Variants in BTBD2 observed in about 807,000 individuals in gnomAD.
BTBD2 encodes BTB/POZ domain-containing protein 2.
A neutral mutation model predicts 44.0 loss-of-function variants in BTBD2; 15 were observed. The observed-to-expected ratio is 0.34, with a 90% CI of 0.23 to 0.53. The LOEUF (loss-of-function observed/expected upper bound fraction) is 0.53, where lower values mean the gene tolerates loss of function less well. Among genes scored for constraint, BTBD2 ranks in the 20% least tolerant of loss-of-function variants. The pLI, the probability that BTBD2 is intolerant of heterozygous loss-of-function variation, is 0.95. For missense variants in BTBD2, 657 were observed against 746.4 expected (o/e 0.88, Z 1.39); for synonymous variants, 443 against 335.9 (o/e 1.32, Z -3.49).
chr19:2,001,824 G>A (rs376008263), intron 1 of BTBD2, among the ~76,000 whole-genome samples: 6 of 151,970 alleles, frequency 3.9e-5, no homozygotes, highest in Admixed American at 1.3e-4. Context: ...TGCAACCTCC[G>A]CCTCCCGAGT....
chr19:2,015,187 T>C lies in BTBD2; in HGVS notation c.407+110A>G, dbSNP rs185214801. 4.7e-4 allele frequency: 535 copies of C among 1,138,906 alleles called. 2 individuals carry two copies. The African/African-American group carries it at 0.014, about 31-fold the overall frequency. 70.6% of individuals were successfully genotyped at this position (1,138,906 alleles called of 1,614,324 possible). ...GACAGAGGGGTGCAGGGCTCGGGGA[T>C]GGAGGGGTGCGGGGGTCTCGGGGAC... On this transcript the variant is annotated intron_variant, in intron 1 of 8. Transcript: ENST00000255608.
Position 1,990,033 on chromosome 19 carries a change from G to T in BTBD2, c.959C>A (p.Pro320Gln). 6.2e-7 allele frequency: 1 copy of T among 1,613,388 alleles called. No homozygotes were observed. Among genetic ancestry groups the T allele is most frequent in the Non-Finnish European group, 8.5e-7 (1 of 1,180,018 alleles). ...AGCGAACTCCTCGATGGTCATGAGC[G>T]GGAAGCGAATGAGGCCCAGGGCCTT... The part of the protein sequence containing the change: ...LGKALGLIRF[P>Q]LMTIEEFAAG... Residue 320 changes from proline to glutamine, a missense_variant, in exon 5 of 9, where the codon CCG becomes CAG. Coordinates refer to ENST00000255608, the MANE Select transcript of BTBD2 (RefSeq NM_017797.4).
At chr19:1,992,975 CAG>C in intron 3 of BTBD2, 43 bp downstream of exon 3, 258 of 1,377,980 alleles carry the variant, frequency 1.9e-4, no homozygotes, top group Non-Finnish European at 2.3e-4. Flanking sequence ...GCCCCGCCTC[CAG>C]CCAGGCCTGG....
intron 1 of BTBD2, among the ~76,000 whole-genome samples, chr19:2,010,619 C>T (rs561577903): frequency 6.6e-6 from 1 of 152,116 alleles, no homozygotes; most frequent in East Asian, 1.9e-4. Flanking sequence ...CCAGCACCCC[C>T]AGTTCGTCCC....
intron 1 of BTBD2, among the ~76,000 whole-genome samples, chr19:2,005,080 A>G (rs973570785): frequency 1.3e-5 from 2 of 151,310 alleles, no homozygotes; most frequent in Non-Finnish European, 3.0e-5. Context: ...TCGGCCTCCC[A>G]AAGTGCTGGG....
chr19:2,003,133 G>A (rs779150748), intron 1 of BTBD2: 3 of 152,018 alleles, frequency 2.0e-5, no homozygotes, highest in Non-Finnish European at 4.4e-5. Context: ...CCTGAGCAAT[G>A]TAGCAAGACT....
At chr19:1,987,744 G>A (rs780990460) in intron 5 of BTBD2, 52 bp from the exon 6 acceptor site, 11 of 1,494,198 alleles carry the variant, frequency 7.4e-6, no homozygotes, top group African/African-American at 2.8e-5. Flanking sequence ...CCAGGATCCC[G>A]AGTGCCTGGG....
In BTBD2 at chr19:2,004,423, G is replaced by C. The variant is rs554023598; in HGVS notation, c.408-6960C>G. ...AGCAATTCTCCTGCTTCAGCCTCCCGAGTAGCTGGGATTACAGGCATGCAT... is the reference window on the plus strand; with the variant it reads ...AGCAATTCTCCTGCTTCAGCCTCCCCAGTAGCTGGGATTACAGGCATGCAT... On this transcript the variant is annotated intron_variant, in intron 1 of 8. Transcript: ENST00000255608. Among the ~76,000 whole-genome samples the C allele has an allele frequency of 3.2e-4, 48 of 151,322 alleles. 1 individual carries two copies. In the East Asian group the frequency reaches 3.4e-3, roughly 11 times the overall value.
At chr19:2,012,489 G>C (rs2016479596) in intron 1 of BTBD2, among the ~76,000 whole-genome samples, 1 of 152,206 alleles carries the variant, frequency 6.6e-6, no homozygotes, top group South Asian at 2.1e-4. Context: ...TCTCCAGCCT[G>C]TTATTGTGAG....
Position 1,986,395 on chromosome 19 carries a change from T to C in BTBD2, c.*93A>G. On this transcript the variant is annotated 3_prime_UTR_variant, in exon 9 of 9. Coordinates refer to ENST00000255608, the MANE Select transcript of BTBD2 (RefSeq NM_017797.4). ...CAGACGGCCTGGGGGACACTGGGCC[T>C]GGCACCGCGTGGTGGGGGGGCCCCA... is the stretch of plus-strand genomic sequence containing the variant. 6.7e-7 allele frequency: 1 copy of C among 1,492,088 alleles called. No individual in the cohort carries two copies. The highest frequency in any genetic ancestry group is 1.2e-5 in the South Asian group (1 of 82,496). The allele number at this position is 1,492,088 out of a possible 1,614,324, so 92.4% of individuals were successfully genotyped here. A position where few individuals can be genotyped will look rare whatever the true frequency, so the allele number is the denominator to read the frequency against.
chr19:2,012,762 T>C (rs1221978192), intron 1 of BTBD2, among the ~76,000 whole-genome samples: 1 of 152,212 alleles, frequency 6.6e-6, no homozygotes, highest in Non-Finnish European at 1.5e-5. Flanking sequence ...CAAGGGGTCC[T>C]TGTCCTGCCT....
In BTBD2 at chr19:1,986,444, G is replaced by T; in HGVS notation, c.*44C>A. On this transcript the variant is annotated 3_prime_UTR_variant, in exon 9 of 9. Transcript: ENST00000255608. ...CAGCAGCAGATGATGGCCTGGGGCT[G>T]CGGCTATCCCCACGGAGGGAGGGCG... 6.2e-7 allele frequency: 1 copy of T among 1,604,652 alleles called. No individual in the cohort carries two copies. The highest frequency in any genetic ancestry group is 1.1e-5 in the South Asian group (1 of 90,678).
intron 1 of BTBD2, 57 bp from the exon 2 acceptor site, chr19:1,997,520 G>A: frequency 6.2e-7 from 1 of 1,605,986 alleles, no homozygotes; most frequent in Non-Finnish European, 8.5e-7. Flanking sequence ...CCACGGCCGG[G>A]AGGGCCAGCC....
chr19:1,986,685 A>G (rs2145614402), intron 8 of BTBD2, 36 bp from the exon 9 acceptor site: 1 of 1,606,530 alleles, frequency 6.2e-7, no homozygotes, highest in Non-Finnish European at 8.5e-7. Context: ...GTCAAGGACC[A>G]CCAGGCTGGG....
At chr19:2,008,016 T>C (rs1478546532) in intron 1 of BTBD2, among the ~76,000 whole-genome samples, 1 of 151,984 alleles carries the variant, frequency 6.6e-6, no homozygotes, top group Non-Finnish European at 1.5e-5. Context: ...GTCTTTTTTT[T>C]TTTTTGAGAC....
At chr19:1,996,136 GCTCT>G (rs1173949886) in intron 2 of BTBD2, among the ~76,000 whole-genome samples, 3 of 152,158 alleles carry the variant, frequency 2.0e-5, no homozygotes, top group African/African-American at 7.2e-5. Flanking sequence ...TTATTTCTGA[GCTCT>G]CTGTTCCATT....
At chr19:2,005,026 TAGTC>T (rs1211459259) in intron 1 of BTBD2, among the ~76,000 whole-genome samples, 3 of 151,852 alleles carry the variant, frequency 2.0e-5, no homozygotes, top group South Asian at 2.1e-4. Context: ...TTCACCGTGT[TAGTC>T]AGGATGGTCT....
rs2016081511 is a variant in BTBD2 at position 1,986,397 on chromosome 19, GCA to G, written c.*89_*90del. On this transcript the variant is annotated 3_prime_UTR_variant, in exon 9 of 9. Transcript: ENST00000255608. ...GACGGCCTGGGGGACACTGGGCCTG[GCA>G]CCGCGTGGTGGGGGGGCCCCAGCAG... 3 of 1,499,244 alleles carry G rather than the reference GCA, an allele frequency of 2.0e-6. No homozygotes were observed. The African/African-American group carries it at 4.1e-5, about 21-fold the overall frequency. 92.9% of individuals were successfully genotyped at this position (1,499,244 alleles called of 1,614,324 possible).
At chr19:1,992,067 A>G (rs1335578307) in intron 3 of BTBD2, 2 of 149,508 alleles carry the variant, frequency 1.3e-5, no homozygotes, top group Non-Finnish European at 3.0e-5. Flanking sequence ...CTGGGCAACA[A>G]GAGAAACCCC....
Sources: gnomAD v4.1 joint callset for allele counts (sites outside exome capture counted in the v4.1 genomes callset) on GRCh38, gnomAD v4.1.1 for gene constraint, MANE v1.5 for transcripts, NCBI Gene and HGNC (gene_info 2026-07-23, HGNC 2026-07-21) for gene names.